Variants in ENTREP2 observed in about 807,000 individuals in gnomAD.
ENTREP2 encodes the protein endosomal transmembrane epsin interactor 2.
the ENTREP2 span, among the ~76,000 whole-genome samples, chr15:29,387,943 C>T: frequency 9.6e-4 from 146 of 152,288 alleles, no homozygotes; most frequent in Non-Finnish European, 1.6e-4. Context: ...TGGATCCCTT[C>T]CTTATACCTT....
chr15:29,642,655 C>T, the ENTREP2 span, among the ~76,000 whole-genome samples: 3 of 151,604 alleles, frequency 2.0e-5, no homozygotes, highest in Non-Finnish European at 4.4e-5. Context: ...GCTCTGTCCC[C>T]AGGCTGAAGT....
chr15:29,322,190 T>C, the ENTREP2 span, among the ~76,000 whole-genome samples: 1 of 152,180 alleles, frequency 6.6e-6, no homozygotes, highest in Non-Finnish European at 1.5e-5. Context: ...ATGCACATCA[T>C]GTTGTTTTGA....
the ENTREP2 span, among the ~76,000 whole-genome samples, chr15:29,291,647 C>T: frequency 6.6e-6 from 1 of 152,218 alleles, no homozygotes; most frequent in Admixed American, 6.5e-5. Flanking sequence ...TGATACACTT[C>T]TCGTGCTTCC....
the ENTREP2 span, among the ~76,000 whole-genome samples, chr15:29,674,592 TTTTC>T: frequency 6.6e-6 from 1 of 151,988 alleles, no homozygotes; most frequent in African/African-American, 2.4e-5. Context: ...TAATCAGATT[TTTTC>T]TTTCTTTAAA....
At chr15:29,440,006 A>C in the ENTREP2 span, among the ~76,000 whole-genome samples, 1 of 152,190 alleles carries the variant, frequency 6.6e-6, no homozygotes, top group African/African-American at 2.4e-5. Context: ...ACAATGAGAA[A>C]GCATCAGACA....
the ENTREP2 span, among the ~76,000 whole-genome samples, chr15:29,615,456 CT>C: frequency 3.3e-5 from 5 of 152,074 alleles, no homozygotes; most frequent in Non-Finnish European, 5.9e-5. Context: ...GCCTGGCCCC[CT>C]CTCACATTTT....
At chr15:29,622,727 A>G in the ENTREP2 span, among the ~76,000 whole-genome samples, 27 of 152,218 alleles carry the variant, frequency 1.8e-4, 1 homozygote, top group African/African-American at 6.3e-4. Context: ...TGAAAAGGAA[A>G]ATGGAAGTTT....
the ENTREP2 span, among the ~76,000 whole-genome samples, chr15:29,367,680 G>C: frequency 6.6e-6 from 1 of 152,174 alleles, no homozygotes; most frequent in Non-Finnish European, 1.5e-5. Flanking sequence ...CTGCCTTGCA[G>C]AATGTGGAAG....
chr15:29,177,501 C>A, the ENTREP2 span, among the ~76,000 whole-genome samples: 23 of 152,166 alleles, frequency 1.5e-4, no homozygotes, highest in Non-Finnish European at 2.9e-4. Context: ...CTTCTTCCTG[C>A]CCTCCTTGCT....
the ENTREP2 span, among the ~76,000 whole-genome samples, chr15:29,304,172 C>A: frequency 4.6e-4 from 70 of 152,168 alleles, no homozygotes; most frequent in Admixed American, 4.5e-3. Flanking sequence ...TGTGAGCCAC[C>A]GCACCCGGCT....
At chr15:29,480,657 G>A in the ENTREP2 span, among the ~76,000 whole-genome samples, 1 of 152,204 alleles carries the variant, frequency 6.6e-6, no homozygotes, top group Non-Finnish European at 1.5e-5. Flanking sequence ...GAACGTCTAG[G>A]AGGGGGAGCG....
chr15:29,412,934 T>C, the ENTREP2 span, among the ~76,000 whole-genome samples: 1 of 152,036 alleles, frequency 6.6e-6, no homozygotes, highest in African/African-American at 2.4e-5. Flanking sequence ...ATTCTTCTTT[T>C]TCTAAGTAAA....
chr15:29,306,271 T>C, the ENTREP2 span, among the ~76,000 whole-genome samples: 2 of 152,114 alleles, frequency 1.3e-5, no homozygotes, highest in Non-Finnish European at 2.9e-5. Context: ...GAAAATCTCC[T>C]GAATTGGGCA....
chr15:29,563,439 T>A, the ENTREP2 span, among the ~76,000 whole-genome samples: 3 of 152,224 alleles, frequency 2.0e-5, no homozygotes, highest in Non-Finnish European at 4.4e-5. Flanking sequence ...AATTAAGTCT[T>A]CATTTTTGAA....
chr15:29,155,101 T>C, the ENTREP2 span, among the ~76,000 whole-genome samples: 2 of 148,414 alleles, frequency 1.3e-5, no homozygotes, highest in Admixed American at 6.8e-5. Context: ...GCTAACACGG[T>C]GAAACCCCGT....
At chr15:29,451,479 G>A in the ENTREP2 span, among the ~76,000 whole-genome samples, 2 of 152,148 alleles carry the variant, frequency 1.3e-5, no homozygotes, top group Non-Finnish European at 1.5e-5. Flanking sequence ...TCATGTCGGG[G>A]GCGCGAGGGG....
chr15:29,546,667 A>G, the ENTREP2 span, among the ~76,000 whole-genome samples: 10 of 152,054 alleles, frequency 6.6e-5, no homozygotes, highest in African/African-American at 2.4e-4. Flanking sequence ...CAGGCGGATC[A>G]TGAGGTCAGG....
chr15:29,203,164 A>G, the ENTREP2 span, among the ~76,000 whole-genome samples: 1 of 152,232 alleles, frequency 6.6e-6, no homozygotes, highest in Non-Finnish European at 1.5e-5. Context: ...GTACTTTGGG[A>G]GGCCGAGGCA....
the ENTREP2 span, among the ~76,000 whole-genome samples, chr15:29,618,511 T>C: frequency 0.16 from 24,582 of 152,018 alleles, 2,544 homozygotes; most frequent in African/African-American, 0.29. Context: ...GTGAGCCTCT[T>C]GTGAATCTGA....
Sources: gnomAD v4.1 joint callset for allele counts (sites outside exome capture counted in the v4.1 genomes callset) on GRCh38, gnomAD v4.1.1 for gene constraint, MANE v1.5 for transcripts, NCBI Gene and HGNC (gene_info 2026-07-23, HGNC 2026-07-21) for gene names.